The following L3MBTL3 variants were observed in gnomAD, a reference collection of about 807,000 sequenced individuals.
L3MBTL3 encodes lethal(3)malignant brain tumor-like protein 3.
L3MBTL3 carries 27 observed loss-of-function variants against 102.3 expected under a neutral mutation model. The observed-to-expected ratio is 0.26, with a 90% confidence interval of 0.19 to 0.36. The LOEUF (loss-of-function observed/expected upper bound fraction) is 0.36. L3MBTL3 is among the 10% of genes least tolerant of loss of function. The probability of loss-of-function intolerance (pLI) is 1.00; values close to 1 mark genes in which losing one functional copy is unlikely to be tolerated. For synonymous variants in L3MBTL3, 340 were observed against 320.9 expected (o/e 1.06, Z -0.64); for missense variants, 798 against 955.3 (o/e 0.84, Z 2.17).
At position 130,108,229 on chromosome 6, in the gene L3MBTL3, T is replaced by TTTTA. The variant is rs1443169010; in HGVS notation, c.1886+3655_1886+3656insTTAT. Among the ~76,000 whole-genome samples, 2 of 119,152 alleles carry TTTTA rather than the reference T, an allele frequency of 1.7e-5. 1 individual carries two copies. The highest frequency in any genetic ancestry group is 3.4e-5 in the Non-Finnish European group (2 of 58,368). The allele number at this position is 119,152 out of a possible 152,430, so 78.2% of individuals were successfully genotyped here. A position where few individuals can be genotyped will look rare whatever the true frequency, so the allele number is the denominator to read the frequency against. On this transcript the variant is annotated intron_variant, in intron 19 of 22. Transcript: ENST00000361794. ...CAATAAATGTTAGGTGGTTTTTTTT[T>TTTTA]TGTTTTTTTTTTTTTTTTTTTTTTA... is the stretch of plus-strand genomic sequence containing the variant.
At chr6:130,057,113 T>A (rs1781557805) in intron 8 of L3MBTL3, among the ~76,000 whole-genome samples, 1 of 152,208 alleles carries the variant, frequency 6.6e-6, no homozygotes, top group South Asian at 2.1e-4. Context: ...CTAGAAGCTC[T>A]CCCTTCCTGT....
chr6:130,023,466 G>A (rs982167091), intron 2 of L3MBTL3, among the ~76,000 whole-genome samples: 1 of 152,126 alleles, frequency 6.6e-6, no homozygotes, highest in Non-Finnish European at 1.5e-5. Flanking sequence ...GTTTAAATGT[G>A]CTGAGTTGAA....
chr6:130,055,502 C>CTCTCCCTCCCTT (rs1781417749), intron 8 of L3MBTL3, among the ~76,000 whole-genome samples: 2 of 141,756 alleles, frequency 1.4e-5, no homozygotes, highest in South Asian at 4.8e-4. Context: ...CTCCCTCCCT[C>CTCTCCCTCCCTT]TCTCCCTGCC....
intron 11 of L3MBTL3, 100 bp downstream of exon 11, chr6:130,066,588 G>T (rs1309435057): frequency 7.7e-6 from 8 of 1,036,796 alleles, no homozygotes; most frequent in Non-Finnish European, 1.1e-5. Context: ...TGAAAATTCA[G>T]ATAGGCACAA....
intron 19 of L3MBTL3, among the ~76,000 whole-genome samples, chr6:130,116,973 T>TTTATTTA (rs1562326624): frequency 3.8e-5 from 5 of 131,824 alleles, no homozygotes; most frequent in East Asian, 2.2e-4. Flanking sequence ...TTATTTATTT[T>TTTATTTA]TTTATTTTTT....
At chr6:130,047,255 C>T (rs534556882) in intron 3 of L3MBTL3, among the ~76,000 whole-genome samples, 5 of 152,270 alleles carry the variant, frequency 3.3e-5, no homozygotes, top group African/African-American at 1.2e-4. Flanking sequence ...CAAGAGTGAA[C>T]TGTGCCCCGA....
chr6:130,022,063 T>A (rs2114427134), intron 1 of L3MBTL3, among the ~76,000 whole-genome samples, 164 bp from the exon 2 acceptor site: 1 of 152,328 alleles, frequency 6.6e-6, no homozygotes, highest in East Asian at 1.9e-4. Context: ...TTTCAACTCA[T>A]CTAGAACCAG....
chr6:130,116,074 T>C (rs1256870821), intron 19 of L3MBTL3, among the ~76,000 whole-genome samples: 1 of 152,204 alleles, frequency 6.6e-6, no homozygotes, highest in Non-Finnish European at 1.5e-5. Context: ...AGTCTGACTG[T>C]AGTCTGTGCT....
At chr6:130,089,150 T>A (rs1022566593) in intron 16 of L3MBTL3, among the ~76,000 whole-genome samples, 1 of 152,072 alleles carries the variant, frequency 6.6e-6, no homozygotes, top group African/African-American at 2.4e-5. Context: ...ATGTGCCGTG[T>A]TGGTTTACTG....
intron 3 of L3MBTL3, among the ~76,000 whole-genome samples, chr6:130,046,184 TCCTG>T (rs1780714242): frequency 6.6e-6 from 1 of 152,036 alleles, no homozygotes; most frequent in Non-Finnish European, 1.5e-5. Flanking sequence ...GCAGATACAC[TCCTG>T]AGAGGACAGC....
chr6:130,054,926 T>C (rs889407218), intron 7 of L3MBTL3, among the ~76,000 whole-genome samples: 33 of 152,200 alleles, frequency 2.2e-4, no homozygotes, highest in Admixed American at 1.3e-4. Flanking sequence ...AGAAAGTGTT[T>C]CAAGGAGCGG....
At chr6:130,111,874 T>C (rs1251074719) in intron 19 of L3MBTL3, among the ~76,000 whole-genome samples, 1 of 152,212 alleles carries the variant, frequency 6.6e-6, no homozygotes, top group East Asian at 1.9e-4. Flanking sequence ...GACTTCCCGT[T>C]ATTCTTGGAA....
At chr6:130,121,467 A>G (rs560512572) in intron 20 of L3MBTL3, among the ~76,000 whole-genome samples, 1 of 152,250 alleles carries the variant, frequency 6.6e-6, no homozygotes, top group South Asian at 2.1e-4. Context: ...TCTTTTTTGC[A>G]GGCAGCAAAA....
In L3MBTL3 at chr6:130,043,403, C is replaced by G. The variant is rs150241451; in HGVS notation, c.102+602C>G. 1.6e-3 allele frequency among the ~76,000 whole-genome samples: 241 copies of G among 152,292 alleles called. 3 individuals carry two copies. Among genetic ancestry groups the G allele is most frequent in the African/African-American group, 5.6e-3 (233 of 41,562 alleles). On this transcript the variant is annotated intron_variant, in intron 3 of 22. Transcript: ENST00000361794. ...CTTCAGTCTGCTGCTTTTGTATAACCTTGCCCTGCCTCCTTTTCCCAGTAA... is the reference window on the plus strand; with the variant it reads ...CTTCAGTCTGCTGCTTTTGTATAACGTTGCCCTGCCTCCTTTTCCCAGTAA...
chr6:130,051,527 G>T (rs1459951079), intron 6 of L3MBTL3, 119 bp downstream of exon 6: 1 of 929,222 alleles, frequency 1.1e-6, no homozygotes, highest in African/African-American at 1.7e-5. Context: ...CTTTTTCCCA[G>T]AGACTTTTCC....
chr6:130,022,398 T>C (rs893526516), intron 2 of L3MBTL3, 93 bp downstream of exon 2: 1 of 152,180 alleles, frequency 6.6e-6, no homozygotes, highest in African/African-American at 2.4e-5. Flanking sequence ...TGAGACTGGG[T>C]TGGCAGAAAA....
At position 130,071,111 on chromosome 6, in the gene L3MBTL3, G is replaced by GTCT. The variant is rs1349833779; in HGVS notation, c.1228_1229insTCT (p.Glu410delinsValTer). On this transcript the variant is annotated stop_gained and protein_altering_variant, in exon 13 of 23. Transcript: ENST00000361794. LOFTEE classifies it high-confidence loss of function. ...CCTGGTACATTTTGACAACTGGGAT[G>GTCT]AGAGCTATGACTATTGGTGAGACAT... is the stretch of plus-strand genomic sequence containing the variant. 6.2e-7 allele frequency: 1 copy of GTCT among 1,612,672 alleles called. No individual in the cohort carries two copies. Among genetic ancestry groups the GTCT allele is most frequent in the African/African-American group, 1.3e-5 (1 of 74,816 alleles).
chr6:130,071,194 G>GT (rs1782618821), intron 13 of L3MBTL3, 67 bp downstream of exon 13: 1 of 1,394,706 alleles, frequency 7.2e-7, no homozygotes, highest in Admixed American at 2.0e-5. Flanking sequence ...TTTGAAAACA[G>GT]TAATAGTGCA....
chr6:130,053,853 T>C (rs1781271570), intron 7 of L3MBTL3, among the ~76,000 whole-genome samples: 1 of 152,192 alleles, frequency 6.6e-6, no homozygotes, highest in African/African-American at 2.4e-5. Context: ...GAGTCACTGT[T>C]CTAGGAGCTG....
Sources: gnomAD v4.1 joint callset for allele counts (sites outside exome capture counted in the v4.1 genomes callset) on GRCh38, gnomAD v4.1.1 for gene constraint, MANE v1.5 for transcripts, NCBI Gene and HGNC (gene_info 2026-07-23, HGNC 2026-07-21) for gene names.